Variants in PPHLN1 observed in about 807,000 individuals in gnomAD.
PPHLN1 encodes periphilin-1.
A neutral mutation model predicts 51.3 loss-of-function variants in PPHLN1; 29 were observed. That is an observed-to-expected ratio of 0.57 (90% CI 0.42 to 0.77). The LOEUF is 0.77. PPHLN1 is among the 30% of genes least tolerant of loss of function. The pLI is 0.00. For synonymous variants in PPHLN1, 147 were observed against 147.8 expected, an observed-to-expected ratio of 0.99 and a Z score of 0.04; for missense variants, 436 against 438.4, an observed-to-expected ratio of 0.99 and a Z score of 0.05.
chr12:42,401,139 C>T (rs1417522873), intron 9 of PPHLN1, among the ~76,000 whole-genome samples: 1 of 152,074 alleles, frequency 6.6e-6, no homozygotes, highest in Non-Finnish European at 1.5e-5. Context: ...CACCGTCAAC[C>T]TTTCTTAAAA....
At chr12:42,419,640 G>A (rs1318715907) in intron 9 of PPHLN1, among the ~76,000 whole-genome samples, 1 of 152,194 alleles carries the variant, frequency 6.6e-6, no homozygotes, top group Non-Finnish European at 1.5e-5. Context: ...AGTTATATCT[G>A]TGTTGTTTAG....
chr12:42,440,445 T>G (rs1461075653), intron 9 of PPHLN1, among the ~76,000 whole-genome samples: 1 of 152,248 alleles, frequency 6.6e-6, no homozygotes, highest in East Asian at 1.9e-4. Flanking sequence ...GCTAGCTTTC[T>G]GTTGTTGAGT....
intron 1 of PPHLN1, among the ~76,000 whole-genome samples, chr12:42,335,181 G>A (rs1178308072): frequency 6.6e-6 from 1 of 151,858 alleles, no homozygotes; most frequent in East Asian, 1.9e-4. Context: ...CTTCCTCAAA[G>A]TAGGAAGCAT....
intron 4 of PPHLN1, among the ~76,000 whole-genome samples, chr12:42,373,935 A>T (rs193115378): frequency 1.4e-4 from 22 of 152,260 alleles, no homozygotes; most frequent in Non-Finnish European, 3.1e-4. Context: ...TTTTGGACTG[A>T]AGAGTTTTTT....
At chr12:42,338,392 CCAGGGGATA>C (rs1206374373) in intron 2 of PPHLN1, among the ~76,000 whole-genome samples, 1 of 151,972 alleles carries the variant, frequency 6.6e-6, no homozygotes, top group Non-Finnish European at 1.5e-5. Flanking sequence ...AGTAGTGGAT[CCAGGGGATA>C]AGGATGTTGA....
At chr12:42,378,306 C>A (rs1219519039) in intron 5 of PPHLN1, among the ~76,000 whole-genome samples, 1 of 151,890 alleles carries the variant, frequency 6.6e-6, no homozygotes, top group Admixed American at 6.6e-5. Flanking sequence ...ATAAGATAAT[C>A]TTGCAAAAAA....
At chr12:42,423,714 G>C (rs1230728653) in intron 9 of PPHLN1, among the ~76,000 whole-genome samples, 1 of 150,130 alleles carries the variant, frequency 6.7e-6, no homozygotes, top group Admixed American at 6.6e-5. Context: ...GTCTCACTCT[G>C]TTGCCCAGGT....
chr12:42,363,600 A>C (rs1330488181), intron 4 of PPHLN1, among the ~76,000 whole-genome samples: 1 of 151,668 alleles, frequency 6.6e-6, no homozygotes, highest in Non-Finnish European at 1.5e-5. Context: ...ATGGAAGAAA[A>C]GAGAATGTGT....
intron 9 of PPHLN1, among the ~76,000 whole-genome samples, chr12:42,404,949 C>T (rs1263498719): frequency 2.6e-5 from 4 of 152,186 alleles, no homozygotes; most frequent in African/African-American, 9.7e-5. Context: ...ATCGCTTGAA[C>T]CCAGGAGACA....
intron 2 of PPHLN1, among the ~76,000 whole-genome samples, chr12:42,337,777 T>TTTTATTTTATTTTATTTTATTTA (rs759818493): frequency 1.4e-4 from 19 of 140,448 alleles, no homozygotes; most frequent in Admixed American, 3.7e-4. Flanking sequence ...TTTTATTTTA[T>TTTTATTTTATTTTATTTTATTTA]TTTATTTATT....
rs540094122 is a variant in PPHLN1 at position 42,365,004 on chromosome 12, T to A, written c.299+9782T>A. Among the ~76,000 whole-genome samples the A allele has an allele frequency of 2.0e-5, 3 of 152,338 alleles. No individual in the cohort carries two copies. The South Asian group carries it at 6.2e-4, about 32-fold the overall frequency. On this transcript the variant is annotated intron_variant, in intron 4 of 9. Transcript: ENST00000358314. Reference sequence around the variant, plus strand: ...TTCGTTTGTTCTACTTTTTCTAGAATGCTTTTAACTGTAAACATGTGATTT... The same window carrying A: ...TTCGTTTGTTCTACTTTTTCTAGAAAGCTTTTAACTGTAAACATGTGATTT...
At chr12:42,406,437 A>G (rs1469121226) in intron 9 of PPHLN1, among the ~76,000 whole-genome samples, 1 of 148,300 alleles carries the variant, frequency 6.7e-6, no homozygotes, top group African/African-American at 2.6e-5. Context: ...TGTGTCTAGC[A>G]TCTTTTGTTC....
chr12:42,397,149 A>G (rs936873381), intron 8 of PPHLN1, among the ~76,000 whole-genome samples: 1 of 152,082 alleles, frequency 6.6e-6, no homozygotes, highest in Non-Finnish European at 1.5e-5. Flanking sequence ...TTTGGCTTCA[A>G]TGTCTGTGCT....
At chr12:42,332,800 T>G (rs1385334599) in intron 1 of PPHLN1, 8 of 637,306 alleles carry the variant, frequency 1.3e-5, no homozygotes, top group Non-Finnish European at 2.0e-5. Flanking sequence ...CTACATACTA[T>G]TTCTTTAGAA....
chr12:42,405,732 A>T (rs1393827732), intron 9 of PPHLN1, among the ~76,000 whole-genome samples: 8 of 152,212 alleles, frequency 5.3e-5, no homozygotes, highest in Non-Finnish European at 8.8e-5. Flanking sequence ...GCCAAATCTT[A>T]AGATTTTTAA....
chr12:42,421,623 C>T (rs573555435), intron 9 of PPHLN1, among the ~76,000 whole-genome samples: 2 of 152,256 alleles, frequency 1.3e-5, no homozygotes, highest in South Asian at 4.1e-4. Flanking sequence ...GCTGGGATTA[C>T]AAGCATGAGC....
At chr12:42,438,759 G>C (rs979348227) in intron 9 of PPHLN1, among the ~76,000 whole-genome samples, 3 of 151,958 alleles carry the variant, frequency 2.0e-5, no homozygotes, top group African/African-American at 7.3e-5. Context: ...GCGTCACCAC[G>C]CCCGGCTAAT....
At chr12:42,350,525 C>T (rs1210465373) in intron 2 of PPHLN1, among the ~76,000 whole-genome samples, 5 of 151,078 alleles carry the variant, frequency 3.3e-5, no homozygotes, top group African/African-American at 9.7e-5. Flanking sequence ...AGAAGATGGG[C>T]GGCCAGGCAG....
chr12:42,382,975 A>G (rs2076885045), intron 5 of PPHLN1, among the ~76,000 whole-genome samples: 1 of 152,152 alleles, frequency 6.6e-6, no homozygotes, highest in African/African-American at 2.4e-5. Context: ...AAACAAAACA[A>G]AAAAAACAAA....
Sources: allele counts gnomAD v4.1 joint callset (sites outside exome capture counted in the v4.1 genomes callset), GRCh38; gene constraint gnomAD v4.1.1; transcripts MANE v1.5; gene names NCBI Gene and HGNC (gene_info 2026-07-23, HGNC 2026-07-21).